Variants in MITF observed in about 807,000 individuals in gnomAD.
The protein encoded by MITF is melanocyte inducing transcription factor.
A neutral mutation model predicts 60.5 loss-of-function variants in MITF; 17 were observed. The ratio of observed to expected loss-of-function variants is 0.28; its 90% CI spans 0.19 to 0.42. The LOEUF is 0.42. Among genes scored for constraint, MITF ranks in the 10% least tolerant of loss-of-function variants. The pLI is 1.00. For synonymous variants in MITF, 260 were observed against 248.5 expected (o/e 1.05, Z -0.43); for missense variants, 622 against 683.5 (o/e 0.91, Z 1.00).
intron 2 of MITF, among the ~76,000 whole-genome samples, chr3:69,903,787 G>A (rs1007357021): frequency 8.5e-5 from 13 of 152,182 alleles, no homozygotes; most frequent in African/African-American, 3.1e-4. Context: ...CAGCATGGTG[G>A]GTGTTTGGGC....
At chr3:69,765,614 G>A (rs1483659371) in intron 1 of MITF, among the ~76,000 whole-genome samples, 1 of 152,132 alleles carries the variant, frequency 6.6e-6, no homozygotes, top group African/African-American at 2.4e-5. Flanking sequence ...GCTCATATGT[G>A]CTGGAATATT....
At chr3:69,960,495 T>C (rs1385979909) in intron 9 of MITF, among the ~76,000 whole-genome samples, 1 of 152,140 alleles carries the variant, frequency 6.6e-6, no homozygotes, top group Non-Finnish European at 1.5e-5. Flanking sequence ...CACTACTTCC[T>C]CTGAAATGAT....
intron 1 of MITF, among the ~76,000 whole-genome samples, chr3:69,750,816 C>T (rs927515063): frequency 6.6e-6 from 1 of 151,978 alleles, no homozygotes; most frequent in Non-Finnish European, 1.5e-5. Flanking sequence ...GTGATTTGCT[C>T]AATGAACTTG....
chr3:69,744,526 GT>G (rs970812452), intron 1 of MITF, among the ~76,000 whole-genome samples: 9 of 152,186 alleles, frequency 5.9e-5, no homozygotes, highest in African/African-American at 2.2e-4. Flanking sequence ...GAATATAAGT[GT>G]TACATTGACT....
intron 2 of MITF, among the ~76,000 whole-genome samples, chr3:69,890,994 G>A (rs1244107876): frequency 2.0e-5 from 3 of 152,060 alleles, no homozygotes; most frequent in Non-Finnish European, 2.9e-5. Context: ...AAATCATCAC[G>A]TTGTCAGATT....
At chr3:69,846,557 A>G (rs1231882764) in intron 1 of MITF, among the ~76,000 whole-genome samples, 1 of 152,158 alleles carries the variant, frequency 6.6e-6, no homozygotes, top group African/African-American at 2.4e-5. Flanking sequence ...GCTCATGCCT[A>G]TAATCCCAGC....
At chr3:69,772,946 A>C (rs556453106) in intron 1 of MITF, among the ~76,000 whole-genome samples, 1 of 152,340 alleles carries the variant, frequency 6.6e-6, no homozygotes, top group South Asian at 2.1e-4. Flanking sequence ...GCAGATGTAG[A>C]AATAAATATG....
chr3:69,895,710 C>T (rs1324797595), intron 2 of MITF, among the ~76,000 whole-genome samples: 1 of 151,792 alleles, frequency 6.6e-6, no homozygotes, highest in Non-Finnish European at 1.5e-5. Context: ...GGGGGATTTA[C>T]AATGTGACTC....
intron 1 of MITF, among the ~76,000 whole-genome samples, chr3:69,870,403 T>C (rs2064207930): frequency 6.7e-6 from 1 of 149,152 alleles, no homozygotes; most frequent in African/African-American, 2.5e-5. Flanking sequence ...TATAAATATA[T>C]GTGTATATAT....
At chr3:69,952,402 T>C (rs1263819747) in intron 7 of MITF, among the ~76,000 whole-genome samples, 1 of 152,216 alleles carries the variant, frequency 6.6e-6, no homozygotes, top group Non-Finnish European at 1.5e-5. Context: ...CGTGTTTAAT[T>C]TACTCTTGAT....
chr3:69,774,370 C>G (rs1405718855), intron 1 of MITF, among the ~76,000 whole-genome samples: 3 of 152,186 alleles, frequency 2.0e-5, no homozygotes, highest in Non-Finnish European at 2.9e-5. Flanking sequence ...CTTCTCCCTT[C>G]CACCAGAATA....
At chr3:69,791,556 C>T (rs2062740135) in intron 1 of MITF, among the ~76,000 whole-genome samples, 1 of 152,178 alleles carries the variant, frequency 6.6e-6, no homozygotes, top group Non-Finnish European at 1.5e-5. Context: ...ACCCAAGAGG[C>T]TCAAGACCTC....
At chr3:69,833,671 CACTGTATGTGGTTCT>C (rs2063491217) in intron 1 of MITF, among the ~76,000 whole-genome samples, 1 of 42,212 alleles carries the variant, frequency 2.4e-5, no homozygotes, top group Non-Finnish European at 1.1e-4. Flanking sequence ...TCCCTGTTTA[CACTGTATGTGGTTCT>C]CTGTTTACAC....
chr3:69,791,106 C>T (rs189126945), intron 1 of MITF, among the ~76,000 whole-genome samples: 16 of 152,146 alleles, frequency 1.1e-4, no homozygotes, highest in Admixed American at 9.8e-4. Flanking sequence ...TTTTCTTTTG[C>T]CATTTTGCGT....
At chr3:69,933,566 A>C (rs2065769519) in intron 2 of MITF, among the ~76,000 whole-genome samples, 1 of 152,210 alleles carries the variant, frequency 6.6e-6, no homozygotes, top group South Asian at 2.1e-4. Flanking sequence ...CTAACAATGA[A>C]TAAAAGTTAC....
chr3:69,953,400 G>A (rs934252372), intron 7 of MITF, among the ~76,000 whole-genome samples: 12 of 152,086 alleles, frequency 7.9e-5, no homozygotes, highest in African/African-American at 2.2e-4. Context: ...AACTCTGAAG[G>A]CTATGAAGCA....
At chr3:69,822,519 A>T (rs1439428816) in intron 1 of MITF, among the ~76,000 whole-genome samples, 1 of 152,246 alleles carries the variant, frequency 6.6e-6, no homozygotes, top group Middle Eastern at 3.2e-3. Context: ...ACACAGACTA[A>T]AGGGCATATT....
chr3:69,866,447 G>C (rs1364990971), intron 1 of MITF: 2 of 1,383,040 alleles, frequency 1.4e-6, no homozygotes, highest in Non-Finnish European at 1.9e-6. Context: ...GGGTTTATTG[G>C]GAGTTAAAAA....
intron 2 of MITF, among the ~76,000 whole-genome samples, chr3:69,923,472 G>A (rs1360002415): frequency 6.6e-6 from 1 of 152,170 alleles, no homozygotes; most frequent in African/African-American, 2.4e-5. Context: ...AGCCTCCTGA[G>A]TAGCTGGGAC....
Sources: gnomAD v4.1 joint callset for allele counts (sites outside exome capture counted in the v4.1 genomes callset) on GRCh38, gnomAD v4.1.1 for gene constraint, MANE v1.5 for transcripts, NCBI Gene and HGNC (gene_info 2026-07-23, HGNC 2026-07-21) for gene names.